TSC22D2: variants seen among roughly 807,000 people sequenced by gnomAD.
The protein encoded by TSC22D2 is TSC22 domain family protein 2.
Under a neutral mutation model 50.1 loss-of-function variants are expected in TSC22D2, and 5 were observed. The observed-to-expected ratio is 0.10, with a 90% CI of 0.05 to 0.21. The LOEUF (loss-of-function observed/expected upper bound fraction) is 0.21, where lower values mean the gene tolerates loss of function less well. TSC22D2 is among the 10% of genes least tolerant of loss of function. TSC22D2 has a pLI of 1.00. For synonymous variants in TSC22D2, 501 were observed against 450.1 expected (o/e 1.11, Z -1.43); for missense variants, 1,003 against 1,015.5 (o/e 0.99, Z 0.17).
intron 1 of TSC22D2, among the ~76,000 whole-genome samples, chr3:150,443,201 T>G (rs1269989875): frequency 2.0e-5 from 3 of 152,204 alleles, no homozygotes; most frequent in Non-Finnish European, 4.4e-5. Context: ...TTTGTATTTA[T>G]AAACCTCTCA....
chr3:150,452,744 T>G (rs1228456134), intron 1 of TSC22D2, among the ~76,000 whole-genome samples: 6 of 152,206 alleles, frequency 3.9e-5, no homozygotes, highest in African/African-American at 9.7e-5. Flanking sequence ...TCAAGCTCAT[T>G]TAGTTATTTT....
rs1432687683 is a variant in TSC22D2, at chr3:150,460,159, T to C, written c.*1523T>C. On this transcript the variant is annotated 3_prime_UTR_variant, in exon 3 of 3. Coordinates refer to ENST00000688009, the MANE Select transcript of TSC22D2 (RefSeq NM_001303264.2). ...TGTGTTCAAAATTTGACTAGATTTG[T>C]ATTTTCACAGTTCAAAATACTCCTT... The C allele has an allele frequency of 1.3e-5, 2 of 152,202 alleles. No homozygotes were observed. The allele number at this position is 152,202 out of a possible 1,614,324, so 9.4% of individuals were successfully genotyped here.
At chr3:150,427,076 C>G (rs1015515169) in intron 1 of TSC22D2, among the ~76,000 whole-genome samples, 2 of 152,068 alleles carry the variant, frequency 1.3e-5, no homozygotes, top group African/African-American at 2.4e-5. Context: ...TTTTGCTCAT[C>G]TCTAAGAATC....
intron 1 of TSC22D2, among the ~76,000 whole-genome samples, chr3:150,432,345 C>G (rs537632522): frequency 1.3e-5 from 2 of 152,146 alleles, no homozygotes; most frequent in Admixed American, 1.3e-4. Flanking sequence ...TAATTATTTT[C>G]AGGTGAAATT....
At position 150,457,147 on chromosome 3, in the gene TSC22D2, TC is replaced by T; in HGVS notation, c.2010+21del. 6.2e-7 allele frequency: 1 copy of T among 1,605,176 alleles called. No homozygotes were observed. Among genetic ancestry groups the T allele is most frequent in the Non-Finnish European group, 8.5e-7 (1 of 1,175,764 alleles). ...GCAATGGTAAGTAAAAGTTTACAGT[TC>T]TCCCATTTCATAGATTGTTGGTTGT... On this transcript the variant is annotated intron_variant, in intron 2 of 2. Transcript: ENST00000688009.
chr3:150,457,318 A>C (rs1225493157), intron 2 of TSC22D2, among the ~76,000 whole-genome samples, 191 bp downstream of exon 2: 1 of 152,234 alleles, frequency 6.6e-6, no homozygotes, highest in East Asian at 1.9e-4. Flanking sequence ...ATTTAAGTAG[A>C]TATTTCTTCC....
intron 1 of TSC22D2, among the ~76,000 whole-genome samples, chr3:150,419,104 A>G (rs1303639304): frequency 1.3e-5 from 2 of 152,140 alleles, no homozygotes; most frequent in South Asian, 2.1e-4. Flanking sequence ...ACACAAAGCA[A>G]GCTTACTTGT....
chr3:150,415,979 T>C (rs1381814473), intron 1 of TSC22D2, among the ~76,000 whole-genome samples: 1 of 152,182 alleles, frequency 6.6e-6, no homozygotes, highest in African/African-American at 2.4e-5. Context: ...ACCAATCAAG[T>C]AGTAGAGAAA....
intron 1 of TSC22D2, among the ~76,000 whole-genome samples, chr3:150,419,840 G>A (rs958637354): frequency 2.3e-4 from 35 of 152,100 alleles, no homozygotes; most frequent in African/African-American, 8.2e-4. Context: ...CAGCATTTTT[G>A]TTTAGGTGGC....
intron 1 of TSC22D2, among the ~76,000 whole-genome samples, chr3:150,426,605 C>G (rs556971314): frequency 4.6e-5 from 7 of 152,150 alleles, no homozygotes; most frequent in Non-Finnish European, 7.4e-5. Context: ...TTAACCTCAT[C>G]GATAAGCACT....
chr3:150,445,149 C>T (rs1720837864), intron 1 of TSC22D2, among the ~76,000 whole-genome samples: 1 of 151,476 alleles, frequency 6.6e-6, no homozygotes, highest in Non-Finnish European at 1.5e-5. Flanking sequence ...CATCGAGATC[C>T]CAAAGAAGAT....
In TSC22D2 at chr3:150,409,654, G is replaced by A. The variant is rs1456210894; in HGVS notation, c.304G>A (p.Ala102Thr). 1.9e-6 allele frequency: 3 copies of A among 1,604,080 alleles called. No homozygotes were observed. The highest frequency in any genetic ancestry group is 2.2e-5 in the South Asian group (2 of 90,212). Reference sequence around the variant, plus strand: ...GCTGGCAGCGGCGGCTGCTGCTCCCGCCAACGGAGGAGGAGTCGTTTCGGC... The same window carrying A: ...GCTGGCAGCGGCGGCTGCTGCTCCCACCAACGGAGGAGGAGTCGTTTCGGC... Reference protein sequence around the residue: ...GQLAAAAAAPANGGGVVSARS... With the variant: ...GQLAAAAAAPTNGGGVVSARS... The change falls in exon 1 of 3, where the codon GCC becomes ACC. Residue 102 changes from alanine to threonine, a missense_variant. Coordinates refer to ENST00000688009, the MANE Select transcript of TSC22D2 (RefSeq NM_001303264.2). This position sits in a 1 kb window ranked among gnomAD's most constrained non-coding sequence, Gnocchi z 7.4.
chr3:150,433,678 A>G (rs1482909577), intron 1 of TSC22D2, among the ~76,000 whole-genome samples: 2 of 152,322 alleles, frequency 1.3e-5, no homozygotes, highest in Middle Eastern at 3.4e-3. Context: ...AGTCCAGAAA[A>G]TGTTGCTAAA....
chr3:150,437,123 G>A (rs1720571025), intron 1 of TSC22D2, among the ~76,000 whole-genome samples: 1 of 151,984 alleles, frequency 6.6e-6, no homozygotes, highest in African/African-American at 2.4e-5. Context: ...AAATATAAAT[G>A]TACATTCTTA....
At chr3:150,436,493 A>G (rs1039514318) in intron 1 of TSC22D2, among the ~76,000 whole-genome samples, 6 of 152,210 alleles carry the variant, frequency 3.9e-5, no homozygotes, top group African/African-American at 1.4e-4. Flanking sequence ...ACTTTACTAA[A>G]TATGACTGTA....
chr3:150,422,567 G>C (rs749803601), intron 1 of TSC22D2, among the ~76,000 whole-genome samples: 14 of 152,174 alleles, frequency 9.2e-5, no homozygotes, highest in Non-Finnish European at 1.8e-4. Context: ...ACCCAGGAAA[G>C]AATTCTTCAT....
At chr3:150,435,963 T>A (rs1327716737) in intron 1 of TSC22D2, among the ~76,000 whole-genome samples, 1 of 152,184 alleles carries the variant, frequency 6.6e-6, no homozygotes, top group Non-Finnish European at 1.5e-5. Context: ...ATTCTAATTT[T>A]AAATTTTGAA....
chr3:150,436,540 T>A (rs1341529193), intron 1 of TSC22D2, among the ~76,000 whole-genome samples: 2 of 152,206 alleles, frequency 1.3e-5, no homozygotes, highest in African/African-American at 4.8e-5. Flanking sequence ...CAAAAGATTT[T>A]AAAAATTACA....
intron 1 of TSC22D2, among the ~76,000 whole-genome samples, chr3:150,442,850 G>A (rs1235168782): frequency 1.3e-5 from 2 of 152,174 alleles, no homozygotes; most frequent in Non-Finnish European, 2.9e-5. Context: ...CACTGAGGCA[G>A]AAGGATCACT....
Sources: gnomAD v4.1 joint callset for allele counts (sites outside exome capture counted in the v4.1 genomes callset) on GRCh38, gnomAD v4.1.1 for gene constraint, Gnocchi (gnomAD v3.1) non-coding constraint, MANE v1.5 for transcripts, NCBI Gene and HGNC (gene_info 2026-07-23, HGNC 2026-07-21) for gene names.